Variants in PARN observed in about 807,000 individuals in gnomAD.
PARN encodes poly(A)-specific ribonuclease, also known as poly(A)-specific ribonuclease PARN.
In PARN, 71 loss-of-function variants were observed where a neutral mutation model predicts 102.8. The ratio of observed to expected loss-of-function variants is 0.69; its 90% CI spans 0.57 to 0.84. PARN has a LOEUF of 0.84. Among genes scored for constraint, PARN ranks in the 40% least tolerant of loss-of-function variants. PARN has a pLI of 0.00. For missense variants in PARN, 782 were observed against 760.9 expected, an observed-to-expected ratio of 1.03 and a Z score of -0.33; for synonymous variants, 261 against 252.9, an observed-to-expected ratio of 1.03 and a Z score of -0.30.
chr16:14,531,387 C>CTAA (rs1966322128), intron 21 of PARN, among the ~76,000 whole-genome samples: 1 of 151,902 alleles, frequency 6.6e-6, no homozygotes, highest in Non-Finnish European at 1.5e-5. Flanking sequence ...ATGAATCCAT[C>CTAA]TAATAGGGTT....
At chr16:14,455,411 T>C (rs1259167856) in intron 22 of PARN, among the ~76,000 whole-genome samples, 1 of 152,226 alleles carries the variant, frequency 6.6e-6, no homozygotes, top group East Asian at 1.9e-4. Flanking sequence ...TCCACAATCA[T>C]ATTCACACAT....
intron 22 of PARN, among the ~76,000 whole-genome samples, chr16:14,471,232 C>T (rs1169990313): frequency 6.6e-6 from 1 of 152,100 alleles, no homozygotes; most frequent in African/African-American, 2.4e-5. Flanking sequence ...TGTGTTACAG[C>T]CCATACAACA....
Position 14,551,406 on chromosome 16 carries a change from T to C in PARN, c.1480+615A>G, listed in dbSNP as rs936590475. Among the ~76,000 whole-genome samples the C allele has an allele frequency of 2.0e-5, 3 of 151,924 alleles. No homozygotes were observed. In the East Asian group the frequency reaches 5.9e-4, roughly 30 times the overall value. ...CAACATCGTGAAACCCCATCTCTAC[T>C]AAAAATACAAAAATTAGCCGGGTAT... On this transcript the variant is annotated intron_variant, in intron 21 of 23. Transcript: ENST00000437198.
At chr16:14,459,309 GAGTA>G (rs1280316675) in intron 22 of PARN, among the ~76,000 whole-genome samples, 4 of 152,228 alleles carry the variant, frequency 2.6e-5, no homozygotes, top group African/African-American at 7.2e-5. Context: ...ACTGATAAGT[GAGTA>G]AGTAAGGTTG....
intron 17 of PARN, among the ~76,000 whole-genome samples, chr16:14,581,595 T>C (rs532783604): frequency 6.6e-6 from 1 of 152,218 alleles, no homozygotes; most frequent in Non-Finnish European, 1.5e-5. Context: ...TGGGAGGTAA[T>C]TAAGTCACGA....
At chr16:14,576,502 C>A (rs752905807) in intron 18 of PARN, among the ~76,000 whole-genome samples, 40 of 152,196 alleles carry the variant, frequency 2.6e-4, no homozygotes, top group Non-Finnish European at 4.3e-4. Flanking sequence ...ATAAGGCAAA[C>A]GTCTGATTTT....
rs1282809372 is a variant in PARN, at chr16:14,497,122, T to C, written c.1481-14295A>G. ...CTAAACAATACCTACTTTTACTACA[T>C]GAAACCCACTCTCATACGTCCTTTT... is the stretch of plus-strand genomic sequence containing the variant. On this transcript the variant is annotated intron_variant, in intron 21 of 23. Transcript: ENST00000437198. Among the ~76,000 whole-genome samples, 4 of 152,170 alleles carry C rather than the reference T, an allele frequency of 2.6e-5. No homozygotes were observed. The East Asian group carries it at 7.7e-4, about 29-fold the overall frequency.
chr16:14,608,912 C>T (rs1971354710), intron 8 of PARN, 146 bp downstream of exon 8: 1 of 620,124 alleles, frequency 1.6e-6, no homozygotes, highest in Non-Finnish European at 2.9e-6. Context: ...CTGTGTAACG[C>T]TAAAGTTAGT....
intron 18 of PARN, among the ~76,000 whole-genome samples, chr16:14,577,662 C>T (rs991388700): frequency 6.6e-5 from 10 of 151,916 alleles, no homozygotes; most frequent in South Asian, 2.1e-4. Context: ...TACTTACTTA[C>T]TTACATTTAT....
At chr16:14,571,818 G>A (rs1968831271) in intron 18 of PARN, among the ~76,000 whole-genome samples, 1 of 152,204 alleles carries the variant, frequency 6.6e-6, no homozygotes, top group Admixed American at 6.5e-5. Flanking sequence ...TACAGGGAGG[G>A]TGAGTAACTT....
In PARN at chr16:14,530,683, C is replaced by T. The variant is rs1011405332; in HGVS notation, c.1480+21338G>A. Among the ~76,000 whole-genome samples the T allele has an allele frequency of 2.0e-5, 3 of 152,108 alleles. No homozygotes were observed. In the East Asian group the frequency reaches 5.8e-4, roughly 29 times the overall value. The stretch of plus-strand genomic sequence containing the variant: ...GCAACCCTCACTGGGTGAACACTGT[C>T]GTAAACTTCCGCCTTCGTTCATCAC... On this transcript the variant is annotated intron_variant, in intron 21 of 23. Transcript: ENST00000437198.
chr16:14,584,100 C>T (rs1969695778), intron 16 of PARN, among the ~76,000 whole-genome samples: 1 of 152,156 alleles, frequency 6.6e-6, no homozygotes, highest in South Asian at 2.1e-4. Context: ...AAATAGAAGC[C>T]TTGAAGCTTT....
intron 21 of PARN, among the ~76,000 whole-genome samples, chr16:14,490,677 G>C (rs917907225): frequency 1.3e-5 from 2 of 152,132 alleles, no homozygotes; most frequent in South Asian, 4.1e-4. Context: ...ACCAGCGTGA[G>C]GCCCTAAATC....
intron 18 of PARN, among the ~76,000 whole-genome samples, chr16:14,558,081 G>C (rs1192583539): frequency 6.6e-6 from 1 of 152,122 alleles, no homozygotes; most frequent in Non-Finnish European, 1.5e-5. Context: ...TCTCCGTTTA[G>C]TAAATTTAGA....
At chr16:14,477,348 GGA>G (rs1479961477) in intron 22 of PARN, among the ~76,000 whole-genome samples, 1 of 151,804 alleles carries the variant, frequency 6.6e-6, no homozygotes, top group Non-Finnish European at 1.5e-5. Context: ...GCCTGAGGCA[GGA>G]GAATCTCCTG....
At chr16:14,573,704 T>C (rs1968947507) in intron 18 of PARN, among the ~76,000 whole-genome samples, 1 of 151,898 alleles carries the variant, frequency 6.6e-6, no homozygotes, top group Non-Finnish European at 1.5e-5. Flanking sequence ...ATCTTTCCTG[T>C]ACTGTTATTT....
chr16:14,511,645 GATCC>G (rs1293851736), intron 21 of PARN, among the ~76,000 whole-genome samples: 1 of 152,054 alleles, frequency 6.6e-6, no homozygotes, highest in Non-Finnish European at 1.5e-5. Flanking sequence ...TTCAAGCAGA[GATCC>G]ATGTATACCC....
chr16:14,613,069 G>A (rs1466049997), intron 6 of PARN, among the ~76,000 whole-genome samples: 1 of 151,902 alleles, frequency 6.6e-6, no homozygotes, highest in Non-Finnish European at 1.5e-5. Context: ...CAGAACTTTG[G>A]GAGGCCAAGG....
intron 22 of PARN, among the ~76,000 whole-genome samples, chr16:14,456,170 CT>C (rs879300842): frequency 3.8e-3 from 538 of 142,166 alleles, no homozygotes; most frequent in Admixed American, 3.9e-3. Flanking sequence ...AGTAAGTTTT[CT>C]TTTTTTTTTT....
Sources: allele counts gnomAD v4.1 joint callset (sites outside exome capture counted in the v4.1 genomes callset), GRCh38; gene constraint gnomAD v4.1.1; transcripts MANE v1.5; gene names NCBI Gene and HGNC (gene_info 2026-07-23, HGNC 2026-07-21).